HS3ST4: variants seen among roughly 807,000 people sequenced by gnomAD.
The protein encoded by HS3ST4 is heparan sulfate glucosamine 3-O-sulfotransferase 4.
Under a neutral mutation model 29.2 loss-of-function variants are expected in HS3ST4, and 17 were observed. The observed-to-expected ratio is 0.58, with a 90% CI of 0.40 to 0.87. The LOEUF is 0.87. Among genes scored for constraint, HS3ST4 ranks in the 40% least tolerant of loss-of-function variants. The pLI, the probability that HS3ST4 is intolerant of heterozygous loss-of-function variation, is 0.00. For missense variants in HS3ST4, 627 were observed against 634.5 expected, an observed-to-expected ratio of 0.99 and a Z score of 0.13; for synonymous variants, 314 against 285.7, an observed-to-expected ratio of 1.10 and a Z score of -1.00.
intron 1 of HS3ST4, among the ~76,000 whole-genome samples, chr16:25,927,788 C>CATCAATTCAGAAAGTGGCTATTG (rs1054933653): frequency 6.6e-6 from 1 of 151,808 alleles, no homozygotes; most frequent in Non-Finnish European, 1.5e-5. Context: ...TCCATTCATC[C>CATCAATTCAGAAAGTGGCTATTG]ATCAATTCAG....
rs112012791 is a variant in HS3ST4 at position 25,876,073 on chromosome 16, T to C, written c.734+182922T>C. The stretch of plus-strand genomic sequence containing the variant: ...CCTCCACGATGATGCCCAAACCCAA[T>C]TTGACCTAAAGTTCCTTCCAGTGAG... On this transcript the variant is annotated intron_variant, in intron 1 of 1. Transcript: ENST00000331351. 3.4e-3 allele frequency among the ~76,000 whole-genome samples: 513 copies of C among 152,252 alleles called. 5 individuals are homozygous for C. The highest frequency in any genetic ancestry group is 0.012 in the African/African-American group (483 of 41,564).
At chr16:25,873,473 TC>T (rs879899837) in intron 1 of HS3ST4, among the ~76,000 whole-genome samples, 8,725 of 38,614 alleles carry the variant, frequency 0.23, 387 homozygotes, top group African/African-American at 0.25. Context: ...CACCCATCCA[TC>T]TATCTCTCTA....
At chr16:25,946,455 G>A (rs998104128) in intron 1 of HS3ST4, among the ~76,000 whole-genome samples, 1 of 152,166 alleles carries the variant, frequency 6.6e-6, no homozygotes, top group African/African-American at 2.4e-5. Flanking sequence ...TGTGCTTTGG[G>A]CAACCAGAGT....
chr16:25,923,718 A>G (rs1392956887), intron 1 of HS3ST4, among the ~76,000 whole-genome samples: 1 of 152,230 alleles, frequency 6.6e-6, no homozygotes, highest in East Asian at 1.9e-4. Context: ...CTGCACAGAA[A>G]GATCTGATGA....
In HS3ST4 at chr16:25,970,693, A is replaced by T. The variant is rs533462190; in HGVS notation, c.735-164919A>T. 7.2e-5 allele frequency among the ~76,000 whole-genome samples: 11 copies of T among 151,846 alleles called. No homozygotes were observed. In the South Asian group the frequency reaches 2.3e-3, roughly 32 times the overall value. Reference sequence around the variant, plus strand: ...CTGGCTAAGTTTTTAATTTAAAAATATTTTTGGTAGAGATGGACACTTGCT... The same window carrying T: ...CTGGCTAAGTTTTTAATTTAAAAATTTTTTTGGTAGAGATGGACACTTGCT... On this transcript the variant is annotated intron_variant, in intron 1 of 1. Transcript: ENST00000331351.
intron 1 of HS3ST4, among the ~76,000 whole-genome samples, chr16:25,932,862 T>C (rs1005124829): frequency 2.6e-5 from 4 of 152,182 alleles, no homozygotes; most frequent in Non-Finnish European, 2.9e-5. Flanking sequence ...AACCTAGACA[T>C]TTTCCAGACA....
At chr16:25,948,438 C>G (rs1374643273) in intron 1 of HS3ST4, among the ~76,000 whole-genome samples, 1 of 152,040 alleles carries the variant, frequency 6.6e-6, no homozygotes, top group African/African-American at 2.4e-5. Context: ...GCATCTTCCC[C>G]TGTGTGTGTT....
At chr16:26,113,074 T>C (rs992024202) in intron 1 of HS3ST4, among the ~76,000 whole-genome samples, 1 of 152,136 alleles carries the variant, frequency 6.6e-6, no homozygotes, top group Non-Finnish European at 1.5e-5. Context: ...GAGTAAGTAG[T>C]GCCATAGTCA....
At chr16:25,746,203 A>G (rs1402190206) in intron 1 of HS3ST4, among the ~76,000 whole-genome samples, 1 of 152,228 alleles carries the variant, frequency 6.6e-6, no homozygotes, top group African/African-American at 2.4e-5. Context: ...TGTTTAATTG[A>G]AAGTACTTGG....
intron 1 of HS3ST4, among the ~76,000 whole-genome samples, chr16:25,715,586 C>A (rs1326135850): frequency 6.6e-6 from 1 of 152,126 alleles, no homozygotes; most frequent in Non-Finnish European, 1.5e-5. Context: ...AAATACTTCT[C>A]TTCTCTCTTT....
At chr16:25,849,824 TCA>T (rs1423353759) in intron 1 of HS3ST4, among the ~76,000 whole-genome samples, 4 of 136,428 alleles carry the variant, frequency 2.9e-5, no homozygotes, top group African/African-American at 5.1e-5. Context: ...CCTTAATCTA[TCA>T]CATGTTTTAT....
At chr16:25,948,949 G>A (rs1326217267) in intron 1 of HS3ST4, among the ~76,000 whole-genome samples, 1 of 152,090 alleles carries the variant, frequency 6.6e-6, no homozygotes, top group African/African-American at 2.4e-5. Flanking sequence ...TGATAACATT[G>A]AACTAACAAT....
intron 1 of HS3ST4, among the ~76,000 whole-genome samples, chr16:26,007,041 T>C (rs950437865): frequency 6.6e-6 from 1 of 152,236 alleles, no homozygotes; most frequent in African/African-American, 2.4e-5. Context: ...CTGTTATAAT[T>C]TTTGCAAAGG....
intron 1 of HS3ST4, among the ~76,000 whole-genome samples, chr16:26,026,064 A>G (rs1438152906): frequency 1.3e-5 from 2 of 151,930 alleles, no homozygotes; most frequent in African/African-American, 4.8e-5. Flanking sequence ...GTGTGCCACC[A>G]TGCCCAGCTA....
rs1898296622 is a variant in HS3ST4 at position 26,137,254 on chromosome 16, A to G, written c.*1006A>G. The G allele has an allele frequency of 6.6e-6, 1 of 152,136 alleles. No individual in the cohort carries two copies. Among genetic ancestry groups the G allele is most frequent in the African/African-American group, 2.4e-5 (1 of 41,418 alleles). 9.4% of individuals were successfully genotyped at this position (152,136 alleles called of 1,614,324 possible). On this transcript the variant is annotated 3_prime_UTR_variant, in exon 2 of 2. Transcript: ENST00000331351. ...AAGGGCAAAGACCAGAGAGTTGACA[A>G]GTCTGTTATTAGGAATAATCCTTAG...
chr16:25,790,402 C>T (rs1420996238), intron 1 of HS3ST4, among the ~76,000 whole-genome samples: 1 of 152,092 alleles, frequency 6.6e-6, no homozygotes, highest in Non-Finnish European at 1.5e-5. Context: ...GAGTGAGACG[C>T]TGTCTCAAAA....
chr16:26,031,830 C>T (rs1969534179), intron 1 of HS3ST4, among the ~76,000 whole-genome samples: 1 of 151,986 alleles, frequency 6.6e-6, no homozygotes, highest in Non-Finnish European at 1.5e-5. Context: ...CTTTCAAACT[C>T]CCTTCTTCAA....
At chr16:26,120,815 CA>C (rs1379055235) in intron 1 of HS3ST4, among the ~76,000 whole-genome samples, 6 of 152,176 alleles carry the variant, frequency 3.9e-5, no homozygotes, top group East Asian at 1.9e-4. Context: ...AAATTATTTA[CA>C]AAGAGGAAAG....
intron 1 of HS3ST4, among the ~76,000 whole-genome samples, chr16:25,770,393 T>G (rs1307328719): frequency 6.6e-6 from 1 of 152,208 alleles, no homozygotes. Context: ...CATTTCATTT[T>G]CACAACCACC....
Sources: allele counts gnomAD v4.1 joint callset (sites outside exome capture counted in the v4.1 genomes callset), GRCh38; gene constraint gnomAD v4.1.1; transcripts MANE v1.5; gene names NCBI Gene and HGNC (gene_info 2026-07-23, HGNC 2026-07-21).